Variants in LY9 observed in about 807,000 individuals in gnomAD.
LY9 encodes lymphocyte antigen 9.
LY9 carries 59 observed loss-of-function variants against 64.6 expected under a neutral mutation model. The ratio of observed to expected loss-of-function variants is 0.91; its 90% confidence interval spans 0.74 to 1.13. The LOEUF is 1.13. Among genes scored for constraint, LY9 ranks in the 50% most tolerant of loss-of-function variants. LY9 has a pLI of 0.00. For synonymous variants in LY9, 281 were observed against 308.5 expected (o/e 0.91, Z 0.93); for missense variants, 789 against 797.2 (o/e 0.99, Z 0.12).
intron 2 of LY9, among the ~76,000 whole-genome samples, chr1:160,800,399 T>G (rs1020808029): frequency 3.3e-5 from 5 of 151,966 alleles, no homozygotes; most frequent in Admixed American, 6.6e-5. Flanking sequence ...ACCATCCACT[T>G]CCACATGATC....
chr1:160,820,636 G>C (rs1182911444), intron 7 of LY9, among the ~76,000 whole-genome samples: 1 of 151,942 alleles, frequency 6.6e-6, no homozygotes, highest in African/African-American at 2.4e-5. Flanking sequence ...ACAGAGCCCT[G>C]GTGTCCCCCT....
At chr1:160,824,137 T>C (rs746846313) in intron 8 of LY9, 44 bp from the exon 9 acceptor site, 7 of 1,612,506 alleles carry the variant, frequency 4.3e-6, no homozygotes, top group Admixed American at 1.7e-5. Flanking sequence ...ACTGAAAAGC[T>C]CTCATGTGGT....
rs550724284 is a variant in LY9 at position 160,805,048 on chromosome 1, C to T, written c.454+4966C>T. ...TAATTTTGTCTGTCTTTTCAAAGAG[C>T]TAACTTTTTCTTTCATTGATTCTTT... On this transcript the variant is annotated intron_variant, in intron 2 of 9. Coordinates refer to ENST00000263285, the MANE Select transcript of LY9 (RefSeq NM_002348.4). Among the ~76,000 whole-genome samples, 8 of 152,180 alleles carry T rather than the reference C, an allele frequency of 5.3e-5. No individual in the cohort carries two copies. The East Asian group carries it at 1.5e-3, about 29-fold the overall frequency.
At chr1:160,803,379 TG>T (rs1666691954) in intron 2 of LY9, among the ~76,000 whole-genome samples, 1 of 152,204 alleles carries the variant, frequency 6.6e-6, no homozygotes, top group Non-Finnish European at 1.5e-5. Flanking sequence ...GTAGATTCTT[TG>T]GGCAATATGG....
In LY9 at chr1:160,813,671, G is replaced by A. The variant is rs781463701; in HGVS notation, c.490G>A (p.Val164Met). The A allele has an allele frequency of 3.1e-6, 5 of 1,614,156 alleles. No individual in the cohort carries two copies. In the South Asian group the frequency reaches 4.4e-5, roughly 14 times the overall value. The change falls in exon 3 of 10, where the codon GTG becomes ATG. Residue 164 changes from valine (V) to methionine (M), a missense_variant. Val to Met is a conservative substitution (Grantham distance 21, BLOSUM62 1). Transcript: ENST00000263285. The part of the protein sequence containing the change: ...LQEPQVTMKS[V>M]KVSENFSCNI... ...GGAGCCCCAAGTCACCATGAAGTCT[G>A]TGAAGGTGTCTGAGAACTTCTCCTG...
At chr1:160,803,531 G>A (rs1272014520) in intron 2 of LY9, among the ~76,000 whole-genome samples, 4 of 151,920 alleles carry the variant, frequency 2.6e-5, no homozygotes, top group African/African-American at 9.7e-5. Flanking sequence ...CTTGTTCCTA[G>A]GGTTTTTTAA....
chr1:160,812,376 A>G (rs1417794898), intron 2 of LY9: 2 of 152,214 alleles, frequency 1.3e-5, no homozygotes, highest in East Asian at 3.9e-4. Flanking sequence ...TTAAGACTTC[A>G]ACATCTAAAC....
intron 9 of LY9, among the ~76,000 whole-genome samples, chr1:160,826,671 A>G (rs374455488): frequency 6.6e-6 from 1 of 152,300 alleles, no homozygotes. Flanking sequence ...TGAAAAAGGA[A>G]TTTGGGTTGG....
intron 6 of LY9, 26 bp from the exon 7 acceptor site, chr1:160,819,295 A>T (rs1668193400): frequency 1.2e-6 from 2 of 1,603,878 alleles, no homozygotes; most frequent in Non-Finnish European, 1.7e-6. Flanking sequence ...CCCTCTTGAT[A>T]AACCTTCTCT....
At chr1:160,799,706 C>A in intron 1 of LY9, 47 bp from the exon 2 acceptor site, 1 of 1,189,792 alleles carries the variant, frequency 8.4e-7, no homozygotes, top group Non-Finnish European at 1.2e-6. Context: ...AGAAGGCTAG[C>A]TCAAGGAGTC....
At chr1:160,826,944 C>A (rs968905975) in intron 9 of LY9, among the ~76,000 whole-genome samples, 19 of 152,146 alleles carry the variant, frequency 1.2e-4, no homozygotes, top group Admixed American at 1.2e-3. Flanking sequence ...GAATGACCAC[C>A]ACATGTCTGG....
At chr1:160,825,510 T>C (rs907613162) in intron 9 of LY9, among the ~76,000 whole-genome samples, 2 of 152,252 alleles carry the variant, frequency 1.3e-5, no homozygotes, top group Admixed American at 1.3e-4. Context: ...TTGATCTGGC[T>C]GTCCATTTCA....
At chr1:160,801,831 G>C in intron 2 of LY9, 1 of 1,614,152 alleles carries the variant, frequency 6.2e-7, no homozygotes, top group Non-Finnish European at 8.5e-7. Flanking sequence ...CATCGAGGGT[G>C]ACCACCGCAC....
chr1:160,823,735 T>C lies in LY9; in HGVS notation c.1769T>C (p.Val590Ala). The change falls in exon 8 of 10, where the codon GTC (valine) becomes GCC (alanine). Residue 590 changes from valine (V) to alanine (A), a missense_variant. By Grantham distance (64) the Val-to-Ala change is moderately conservative. Coordinates refer to ENST00000263285, the MANE Select transcript of LY9 (RefSeq NM_002348.4). The stretch of plus-strand genomic sequence containing the variant: ...GACTATGATCCCGTCACTCCATATG[T>C]CACGGAAGTTGAGTCTGTGGTTGGA... ...QADYDPVTPY[V>A]TEVESVVGEN... 1 of 1,614,108 alleles carries C rather than the reference T, an allele frequency of 6.2e-7. No individual in the cohort carries two copies. The highest frequency in any genetic ancestry group is 2.2e-5 in the East Asian group (1 of 44,876).
At chr1:160,821,447 AC>A (rs1277462271) in intron 7 of LY9, among the ~76,000 whole-genome samples, 2 of 152,224 alleles carry the variant, frequency 1.3e-5, no homozygotes, top group African/African-American at 2.4e-5. Context: ...GTAGATTAAA[AC>A]TGATTCCCAT....
chr1:160,798,815 T>G (rs1666155886), intron 1 of LY9: 1 of 152,182 alleles, frequency 6.6e-6, no homozygotes, highest in Non-Finnish European at 1.5e-5. Flanking sequence ...TCTACTTATT[T>G]TCCCACCCAG....
intron 7 of LY9, among the ~76,000 whole-genome samples, chr1:160,820,839 A>G (rs1668366187): frequency 8.5e-6 from 1 of 117,772 alleles, no homozygotes; most frequent in Admixed American, 8.9e-5. Flanking sequence ...GTTTAATTGA[A>G]TAGTTTTTTT....
rs150455320 is a variant in LY9 at position 160,823,650 on chromosome 1, G to A, written c.1684G>A (p.Val562Ile). The A allele has an allele frequency of 2.4e-5, 38 of 1,614,044 alleles. No individual in the cohort carries two copies. The African/African-American group carries it at 3.9e-4, about 16-fold the overall frequency. ...VHKPISGRYE[V>I]FDQVTQEGAG... ...CAAGCCCATCAGTGGAAGATATGAGGTATTTGACCAGGTCACTCAGGAGGG... is the reference window on the plus strand; with the variant it reads ...CAAGCCCATCAGTGGAAGATATGAGATATTTGACCAGGTCACTCAGGAGGG... The change falls in exon 8 of 10, where the codon GTA becomes ATA. Residue 562 changes from valine (V) to isoleucine (I), a missense_variant. Physicochemically the swap from Val to Ile is conservative, Grantham distance 29. Transcript: ENST00000263285.
At chr1:160,802,605 CGT>C (rs1666609993) in intron 2 of LY9, 1 of 985,540 alleles carries the variant, frequency 1.0e-6, no homozygotes, top group East Asian at 1.1e-4. Context: ...CCAGTGTACA[CGT>C]GTGGACCCCA....
Sources: allele counts gnomAD v4.1 joint callset (sites outside exome capture counted in the v4.1 genomes callset), GRCh38; gene constraint gnomAD v4.1.1; transcripts MANE v1.5; gene names NCBI Gene and HGNC (gene_info 2026-07-23, HGNC 2026-07-21).